The following ZGPAT variants were observed in gnomAD, a reference collection of about 807,000 sequenced individuals.
ZGPAT encodes the protein zinc finger CCCH-type and G-patch domain containing, also known as zinc finger CCCH-type with G patch domain-containing protein.
Under a neutral mutation model 47.9 loss-of-function variants are expected in ZGPAT, and 39 were observed. That is an observed-to-expected ratio of 0.81 (90% CI 0.63 to 1.06). The LOEUF (loss-of-function observed/expected upper bound fraction) is 1.06. Ranked by LOEUF, ZGPAT falls within the 50% of genes least tolerant of loss-of-function variation. The pLI is 0.00. For missense variants in ZGPAT, 717 were observed against 681.4 expected (o/e 1.05, Z -0.58); for synonymous variants, 348 against 292.9 (o/e 1.19, Z -1.92).
Position 63,733,929 on chromosome 20 carries a change from G to A in ZGPAT, c.871+190G>A, listed in dbSNP as rs1012649772. ...GTGGCGGCCTTTATCTTCAAGGAGT[G>A]TGGGTGCAACAGCTACAGTCTCATT... On this transcript the variant is annotated intron_variant, in intron 4 of 6. Transcript: ENST00000355969. The A allele has an allele frequency of 1.6e-5, 11 of 690,716 alleles. 1 individual carries two copies. Among genetic ancestry groups the A allele is most frequent in the Non-Finnish European group, 2.6e-5 (11 of 423,806 alleles). The allele number at this position is 690,716 out of a possible 1,614,324, so 42.8% of individuals were successfully genotyped here. A position where few individuals can be genotyped will look rare whatever the true frequency, so the allele number is the denominator to read the frequency against.
intron 2 of ZGPAT, among the ~76,000 whole-genome samples, chr20:63,711,575 T>C (rs1307443794): frequency 1.3e-5 from 2 of 152,010 alleles, no homozygotes; most frequent in Non-Finnish European, 2.9e-5. Flanking sequence ...TCAGGACTGA[T>C]AAGTTCTCTT....
intron 2 of ZGPAT, among the ~76,000 whole-genome samples, chr20:63,731,508 G>C (rs1445548842): frequency 2.1e-5 from 2 of 94,648 alleles, no homozygotes; most frequent in African/African-American, 6.4e-5. Context: ...ATTGGCCCTT[G>C]GTGTGTGTGT....
chr20:63,718,270 A>G (rs1239577292), intron 2 of ZGPAT, among the ~76,000 whole-genome samples: 1 of 151,332 alleles, frequency 6.6e-6, no homozygotes, highest in African/African-American at 2.4e-5. Flanking sequence ...TGTTCGACTT[A>G]CTCGTTATTC....
At chr20:63,720,113 AG>A (rs1215781999) in intron 2 of ZGPAT, among the ~76,000 whole-genome samples, 3 of 151,504 alleles carry the variant, frequency 2.0e-5, no homozygotes, top group Non-Finnish European at 4.4e-5. Context: ...AGGCTTCCTC[AG>A]GAACAGTTTC....
Position 63,735,942 on chromosome 20 carries a change from G to A in ZGPAT, c.*23G>A, listed in dbSNP as rs750225719. The A allele has an allele frequency of 2.0e-5, 32 of 1,597,874 alleles. No homozygotes were observed. The Middle Eastern group carries it at 5.0e-4, about 25-fold the overall frequency. ...TAGAGACCCCACAAGCACTATGGAC[G>A]AAGCGTGGGACCCCAGCACGGGCTG... On this transcript the variant is annotated 3_prime_UTR_variant, in exon 7 of 7. Coordinates refer to ENST00000355969, the MANE Select transcript of ZGPAT (RefSeq NM_181485.3).
At position 63,734,686 on chromosome 20, in the gene ZGPAT, C is replaced by T. The variant is rs867749644; in HGVS notation, c.872-19C>T. The T allele has an allele frequency of 6.2e-7, 1 of 1,612,874 alleles. No homozygotes were observed. Among genetic ancestry groups the T allele is most frequent in the Non-Finnish European group, 8.5e-7 (1 of 1,179,400 alleles). ...CGTGGACTCTGCACAGTCCTCTGCC[C>T]TCTGTCCGTCTCTTGCAGTGGTGGG... On this transcript the variant is annotated intron_variant, in intron 4 of 6. Transcript: ENST00000355969.
intron 4 of ZGPAT, chr20:63,734,096 T>C: frequency 3.3e-6 from 1 of 303,464 alleles, no homozygotes; most frequent in Non-Finnish European, 6.2e-6. Flanking sequence ...ACTTGGGACC[T>C]GGGTGCCTGG....
chr20:63,735,024 T>C (rs1432451948), intron 5 of ZGPAT, 135 bp from the exon 6 acceptor site: 3 of 1,349,850 alleles, frequency 2.2e-6, no homozygotes, highest in Admixed American at 3.1e-5. Flanking sequence ...ATTCCCAGGG[T>C]CCTACGGCCA....
chr20:63,734,546 T>C (rs2091957727), intron 4 of ZGPAT, 159 bp from the exon 5 acceptor site: 1 of 1,414,756 alleles, frequency 7.1e-7, no homozygotes. Context: ...TGGGGTGTCG[T>C]GGCTCTGCCC....
chr20:63,734,741 G>C lies in ZGPAT; in HGVS notation c.908G>C (p.Ser303Thr). ...GATGCTGTGGACTCTGGGACCTGCA[G>C]CTCTGCCTTTGCTGGCTGGGAGGTG... ...GSDAVDSGTC[S>T]SAFAGWEVHT... Residue 303 changes from serine (S) to threonine (T), a missense_variant, in exon 5 of 7, where the codon AGC becomes ACC. Transcript: ENST00000355969. 1.9e-6 allele frequency: 3 copies of C among 1,614,088 alleles called. No individual in the cohort carries two copies. Among genetic ancestry groups the C allele is most frequent in the Non-Finnish European group, 2.5e-6 (3 of 1,179,960 alleles).
intron 2 of ZGPAT, among the ~76,000 whole-genome samples, chr20:63,729,034 CTTTTTTTTTT>C (rs1054928363): frequency 1.4e-5 from 2 of 139,558 alleles, no homozygotes; most frequent in Non-Finnish European, 3.1e-5. Context: ...TTCTTTTTTT[CTTTTTTTTTT>C]TTTTTGAGAT....
chr20:63,734,913 A>G (rs1173811109), intron 5 of ZGPAT, 89 bp downstream of exon 5: 2 of 1,458,616 alleles, frequency 1.4e-6, no homozygotes, highest in African/African-American at 1.5e-5. Flanking sequence ...TCCCGCAGCC[A>G]TCGGGTTCCC....
At chr20:63,729,484 T>C (rs1330998651) in intron 2 of ZGPAT, among the ~76,000 whole-genome samples, 1 of 152,220 alleles carries the variant, frequency 6.6e-6, no homozygotes, top group African/African-American at 2.4e-5. Flanking sequence ...TTGGGATCTT[T>C]TATGTATGAA....
At chr20:63,715,837 G>GT (rs1568787928) in intron 2 of ZGPAT, among the ~76,000 whole-genome samples, 1 of 150,644 alleles carries the variant, frequency 6.6e-6, no homozygotes, top group East Asian at 2.0e-4. Context: ...CATATATAGA[G>GT]AGAGAGAGAG....
intron 2 of ZGPAT, among the ~76,000 whole-genome samples, chr20:63,728,305 G>A (rs1037477950): frequency 1.8e-4 from 27 of 152,224 alleles, no homozygotes; most frequent in African/African-American, 6.0e-4. Context: ...CAAAGTGCTC[G>A]GATTACAGGT....
intron 2 of ZGPAT, among the ~76,000 whole-genome samples, chr20:63,723,530 G>A (rs1323390291): frequency 4.8e-5 from 5 of 103,396 alleles, no homozygotes; most frequent in Non-Finnish European, 7.9e-5. Context: ...CTTCTCCTCT[G>A]ACATAGCTCC....
At chr20:63,734,443 C>A (rs999037752) in intron 4 of ZGPAT, 46 of 585,218 alleles carry the variant, frequency 7.9e-5, no homozygotes, top group Non-Finnish European at 1.3e-4. Context: ...GAGGAGGGGC[C>A]ACGGTGCAGC....
At chr20:63,734,021 C>T in intron 4 of ZGPAT, 1 of 435,698 alleles carries the variant, frequency 2.3e-6, no homozygotes, top group Non-Finnish European at 4.1e-6. Context: ...GAGGAAGTCA[C>T]AGAAAATGAC....
Position 63,735,520 on chromosome 20 carries a change from G to A in ZGPAT, c.1353G>A (p.Arg451=), listed in dbSNP as rs1256758029. The change falls in exon 6 of 7, where the codon CGG becomes CGA. Residue 451 remains arginine (R), a synonymous_variant. Transcript: ENST00000355969. ...AGGAGAAGATCGAGCGAACCCAGCG[G>A]GACATCAGGAGCATCCAGGAGGCTC... is the stretch of plus-strand genomic sequence containing the variant. ...QTEEKIERTQ[R]DIRSIQEALA... is the part of the protein sequence containing the mutation. 9.8e-6 allele frequency: 15 copies of A among 1,528,100 alleles called. No homozygotes were observed. In the Middle Eastern group the frequency reaches 1.2e-3, roughly 126 times the overall value. The allele number at this position is 1,528,100 out of a possible 1,614,324, so 94.7% of individuals were successfully genotyped here. A position where few individuals can be genotyped will look rare whatever the true frequency, so the allele number is the denominator to read the frequency against.
Sources: gnomAD v4.1 joint callset for allele counts (sites outside exome capture counted in the v4.1 genomes callset) on GRCh38, gnomAD v4.1.1 for gene constraint, MANE v1.5 for transcripts, NCBI Gene and HGNC (gene_info 2026-07-23, HGNC 2026-07-21) for gene names.